Variants in DTHD1 observed in about 807,000 individuals in gnomAD.
DTHD1 encodes the protein death domain-containing protein 1.
DTHD1 carries 59 observed loss-of-function variants against 74.8 expected under a neutral mutation model. That is an observed-to-expected ratio of 0.79 (90% CI 0.64 to 0.98). DTHD1 has a LOEUF of 0.98. Among genes scored for constraint, DTHD1 ranks in the 50% least tolerant of loss-of-function variants. The pLI is 0.00. For missense variants in DTHD1, 1,051 were observed against 1,065.4 expected, an observed-to-expected ratio of 0.99 and a Z score of 0.19; for synonymous variants, 365 against 371.1, an observed-to-expected ratio of 0.98 and a Z score of 0.19.
chr4:36,308,210 T>C lies in DTHD1; in HGVS notation c.1812T>C (p.Ile604=). 3 of 1,552,098 alleles carry C rather than the reference T, an allele frequency of 1.9e-6. No individual in the cohort carries two copies. The highest frequency in any genetic ancestry group is 2.6e-6 in the Non-Finnish European group (3 of 1,146,970). The change falls in exon 7 of 10, where the codon ATT becomes ATC. Residue 604 remains isoleucine (I), a synonymous_variant. Coordinates refer to ENST00000639862, the MANE Select transcript of DTHD1 (RefSeq NM_001170700.3). Reference sequence around the variant, plus strand: ...ACCTCTTTCTTCCATGCAGGTTTATTGTACTTCACCTCTCTTCCACCATGG... The same window carrying C: ...ACCTCTTTCTTCCATGCAGGTTTATCGTACTTCACCTCTCTTCCACCATGG... ...VELYEHLERF[I]VLHLSSTMDN...
chr4:36,302,474 C>G (rs1364309777), intron 5 of DTHD1, among the ~76,000 whole-genome samples: 3 of 152,112 alleles, frequency 2.0e-5, no homozygotes, highest in Non-Finnish European at 4.4e-5. Flanking sequence ...TGATATCCAA[C>G]AGTGATTACA....
chr4:36,343,440 T>G (rs1578504229), intron 9 of DTHD1, 62 bp from the exon 10 acceptor site: 6 of 1,458,064 alleles, frequency 4.1e-6, no homozygotes, highest in Admixed American at 4.5e-5. Context: ...GTGTGGAGGG[T>G]TAGACCCATG....
chr4:36,340,709 T>C (rs1759267659), intron 9 of DTHD1, among the ~76,000 whole-genome samples: 1 of 152,162 alleles, frequency 6.6e-6, no homozygotes, highest in African/African-American at 2.4e-5. Context: ...TACACCAGGA[T>C]TTAGGAAAAT....
intron 6 of DTHD1, among the ~76,000 whole-genome samples, chr4:36,307,994 G>A (rs1287162758): frequency 1.3e-5 from 2 of 152,158 alleles, no homozygotes; most frequent in Non-Finnish European, 2.9e-5. Flanking sequence ...CCTCCCAAGT[G>A]GCATGAGCCA....
chr4:36,292,297 T>C (rs1756125457), intron 3 of DTHD1, among the ~76,000 whole-genome samples: 1 of 151,906 alleles, frequency 6.6e-6, no homozygotes, highest in African/African-American at 2.4e-5. Flanking sequence ...AGTAAATGGA[T>C]AATTAAAGCA....
chr4:36,321,617 A>G (rs1262360308), intron 8 of DTHD1, among the ~76,000 whole-genome samples: 1 of 152,174 alleles, frequency 6.6e-6, no homozygotes, highest in Non-Finnish European at 1.5e-5. Context: ...ATAATAATAG[A>G]AATAAAGAGC....
intron 9 of DTHD1, among the ~76,000 whole-genome samples, chr4:36,342,608 C>T (rs1238101524): frequency 1.3e-5 from 2 of 151,932 alleles, no homozygotes; most frequent in Admixed American, 1.3e-4. Context: ...AAAGGATCTT[C>T]CACAGAATTG....
chr4:36,290,812 G>A, intron 3 of DTHD1, 109 bp downstream of exon 3: 1 of 885,376 alleles, frequency 1.1e-6, no homozygotes, highest in Non-Finnish European at 1.7e-6. Flanking sequence ...AGTAATAAAT[G>A]GAAGGACTTT....
At chr4:36,334,328 G>C (rs1758874006) in intron 8 of DTHD1, among the ~76,000 whole-genome samples, 1 of 150,306 alleles carries the variant, frequency 6.7e-6, no homozygotes, top group Admixed American at 6.7e-5. Context: ...ACTCAGGTTT[G>C]AGAACCACTG....
intron 9 of DTHD1, among the ~76,000 whole-genome samples, chr4:36,340,860 C>T (rs1011049314): frequency 6.6e-6 from 1 of 151,598 alleles, no homozygotes; most frequent in African/African-American, 2.4e-5. Context: ...AGTAATACAG[C>T]AGTATTAGGA....
Position 36,292,876 on chromosome 4 carries a change from C to T in DTHD1, c.1219-650C>T, listed in dbSNP as rs191803486. Reference sequence around the variant, plus strand: ...AGATCATTTTGTTTTCATTTATGTACGCAGTTCCCTTTTGTGCAATAAAAA... The same window carrying T: ...AGATCATTTTGTTTTCATTTATGTATGCAGTTCCCTTTTGTGCAATAAAAA... On this transcript the variant is annotated intron_variant, in intron 3 of 9. Coordinates refer to ENST00000639862, the MANE Select transcript of DTHD1 (RefSeq NM_001170700.3). Among the ~76,000 whole-genome samples, 352 of 152,260 alleles carry T rather than the reference C, an allele frequency of 2.3e-3. 1 individual carries two copies. Among genetic ancestry groups the T allele is most frequent in the African/African-American group, 7.6e-3 (316 of 41,550 alleles).
At chr4:36,316,128 G>T (rs59313146) in intron 7 of DTHD1, 114 bp from the exon 8 acceptor site, 1 of 936,362 alleles carries the variant, frequency 1.1e-6, no homozygotes, top group South Asian at 1.8e-5. Flanking sequence ...GTAGAGACGG[G>T]GTTTCACCAT....
intron 8 of DTHD1, among the ~76,000 whole-genome samples, chr4:36,330,359 T>C (rs1250318567): frequency 6.6e-6 from 1 of 152,228 alleles, no homozygotes; most frequent in African/African-American, 2.4e-5. Context: ...TCTGGATTCT[T>C]ACTGATGTCA....
Position 36,309,309 on chromosome 4 carries a change from C to T in DTHD1, c.2095+816C>T, listed in dbSNP as rs554641756. On this transcript the variant is annotated intron_variant, in intron 7 of 9. Coordinates refer to ENST00000639862, the MANE Select transcript of DTHD1 (RefSeq NM_001170700.3). Reference sequence around the variant, plus strand: ...ACAACACACACACACAAAAATTAGTCGGGTGTGGTGGCAGGTGCCTGTAAT... The same window carrying T: ...ACAACACACACACACAAAAATTAGTTGGGTGTGGTGGCAGGTGCCTGTAAT... Among the ~76,000 whole-genome samples, 36 of 152,110 alleles carry T rather than the reference C, an allele frequency of 2.4e-4. No individual in the cohort carries two copies. In the East Asian group the frequency reaches 5.6e-3, roughly 24 times the overall value.
At chr4:36,297,546 A>C (rs1282997779) in intron 5 of DTHD1, among the ~76,000 whole-genome samples, 2 of 152,002 alleles carry the variant, frequency 1.3e-5, no homozygotes, top group African/African-American at 4.8e-5. Flanking sequence ...GTGCTTCTTG[A>C]CTATTTTCTT....
intron 8 of DTHD1, among the ~76,000 whole-genome samples, chr4:36,337,313 A>G (rs1197060314): frequency 6.6e-6 from 1 of 152,146 alleles, no homozygotes; most frequent in Non-Finnish European, 1.5e-5. Flanking sequence ...CACTGCTTCT[A>G]TGGTTGTGCA....
At position 36,323,563 on chromosome 4, in the gene DTHD1, A is replaced by G. The variant is rs1411968367; in HGVS notation, c.2340+7077A>G. 5.5e-5 allele frequency among the ~76,000 whole-genome samples: 5 copies of G among 90,682 alleles called. No homozygotes were observed. The East Asian group carries it at 1.2e-3, about 21-fold the overall frequency. 59.5% of individuals were successfully genotyped at this position (90,682 alleles called of 152,430 possible). A position where few individuals can be genotyped will look rare whatever the true frequency, so the allele number is the denominator to read the frequency against. On this transcript the variant is annotated intron_variant, in intron 8 of 9. Transcript: ENST00000639862. Reference sequence around the variant, plus strand: ...GTTGAAGGATCAAATGGAACTTATTATGTTATTGCTAGGTATTTTAAAAAG... The same window carrying G: ...GTTGAAGGATCAAATGGAACTTATTGTGTTATTGCTAGGTATTTTAAAAAG...
chr4:36,293,730 T>C lies in DTHD1; in HGVS notation c.1398+25T>C, dbSNP rs938332725. ...GGTAAACATATTAAAAATAGGTGAG[T>C]TCCTGCTCATAGATTTTGTGGGTCA... On this transcript the variant is annotated intron_variant, in intron 4 of 9. Transcript: ENST00000639862. The C allele has an allele frequency of 2.3e-5, 33 of 1,458,346 alleles. No homozygotes were observed. The African/African-American group carries it at 3.8e-4, about 17-fold the overall frequency. The allele number at this position is 1,458,346 out of a possible 1,614,324, so 90.3% of individuals were successfully genotyped here.
chr4:36,347,070 C>A lies in DTHD1; in HGVS notation c.*3246C>A, dbSNP rs1338064266. Reference sequence around the variant, plus strand: ...CACACCTTTCTTATGCTCCTAGCAACGTATACATGTATTTTATTTCCCAGA... The same window carrying A: ...CACACCTTTCTTATGCTCCTAGCAAAGTATACATGTATTTTATTTCCCAGA... On this transcript the variant is annotated 3_prime_UTR_variant, in exon 10 of 10. Coordinates refer to ENST00000639862, the MANE Select transcript of DTHD1 (RefSeq NM_001170700.3). 4.6e-5 allele frequency among the ~76,000 whole-genome samples: 7 copies of A among 152,106 alleles called. No homozygotes were observed. The highest frequency in any genetic ancestry group is 1.7e-4 in the African/African-American group (7 of 41,414).
Sources: allele counts gnomAD v4.1 joint callset (sites outside exome capture counted in the v4.1 genomes callset), GRCh38; gene constraint gnomAD v4.1.1; transcripts MANE v1.5; gene names NCBI Gene and HGNC (gene_info 2026-07-23, HGNC 2026-07-21).